Variants in TACR1 observed in about 807,000 individuals in gnomAD.
TACR1 encodes the protein substance-P receptor.
In TACR1, 25 loss-of-function variants were observed where a neutral mutation model predicts 35.8. The observed-to-expected ratio is 0.70, with a 90% CI of 0.51 to 0.98. TACR1 has a LOEUF of 0.98. Ranked by LOEUF, TACR1 falls within the 50% of genes least tolerant of loss-of-function variation. The pLI is 0.00. For missense variants in TACR1, 478 were observed against 522.9 expected, an observed-to-expected ratio of 0.91 and a Z score of 0.84; for synonymous variants, 195 against 206.7, an observed-to-expected ratio of 0.94 and a Z score of 0.48.
chr2:75,055,864 T>A (rs1010357865), intron 2 of TACR1, among the ~76,000 whole-genome samples: 3 of 152,188 alleles, frequency 2.0e-5, no homozygotes, highest in African/African-American at 7.2e-5. Context: ...AGAATTTGCA[T>A]TTCTAACAAG....
chr2:75,086,860 G>A (rs771797891), intron 2 of TACR1, among the ~76,000 whole-genome samples: 2 of 152,178 alleles, frequency 1.3e-5, no homozygotes, highest in Non-Finnish European at 2.9e-5. Context: ...TTTCCTAGCA[G>A]TGGGGATTTT....
At chr2:75,115,762 C>T (rs1673842358) in intron 2 of TACR1, among the ~76,000 whole-genome samples, 1 of 151,828 alleles carries the variant, frequency 6.6e-6, no homozygotes, top group Non-Finnish European at 1.5e-5. Context: ...AAAAAATTAG[C>T]CGGGCATGGT....
At chr2:75,102,574 A>T (rs1453592991) in intron 2 of TACR1, among the ~76,000 whole-genome samples, 1 of 152,132 alleles carries the variant, frequency 6.6e-6, no homozygotes, top group Non-Finnish European at 1.5e-5. Flanking sequence ...TAATCATACA[A>T]GTATCTTGGG....
chr2:75,083,094 AT>A (rs1314239559), intron 2 of TACR1, among the ~76,000 whole-genome samples: 2 of 152,132 alleles, frequency 1.3e-5, no homozygotes, highest in Admixed American at 1.3e-4. Context: ...TCGTGAATTA[AT>A]TTTTGTATAA....
At chr2:75,192,499 G>A (rs1210750389) in intron 1 of TACR1, among the ~76,000 whole-genome samples, 1 of 152,190 alleles carries the variant, frequency 6.6e-6, no homozygotes, top group African/African-American at 2.4e-5. Context: ...CAATGGCCCT[G>A]TTTGGAAAGT....
intron 2 of TACR1, among the ~76,000 whole-genome samples, chr2:75,058,599 A>G (rs1486075255): frequency 6.6e-6 from 1 of 152,176 alleles, no homozygotes; most frequent in Non-Finnish European, 1.5e-5. Context: ...ACCTGAGAGA[A>G]CCCAGCACCA....
chr2:75,153,786 G>A (rs1458001764), intron 1 of TACR1, among the ~76,000 whole-genome samples: 2 of 152,138 alleles, frequency 1.3e-5, no homozygotes, highest in Non-Finnish European at 2.9e-5. Context: ...GGGAGGAGGT[G>A]GTTTTAACTC....
chr2:75,181,412 C>T (rs1010675805), intron 1 of TACR1, among the ~76,000 whole-genome samples: 5 of 152,090 alleles, frequency 3.3e-5, no homozygotes, highest in Admixed American at 1.3e-4. Flanking sequence ...AAAACATACT[C>T]CAGACCACGG....
At chr2:75,162,723 C>T (rs1189081498) in intron 1 of TACR1, among the ~76,000 whole-genome samples, 2 of 152,166 alleles carry the variant, frequency 1.3e-5, no homozygotes, top group Non-Finnish European at 2.9e-5. Context: ...CTGAGAGACA[C>T]TCAAGATTCC....
Position 75,051,401 on chromosome 2 carries a change from C to T in TACR1, c.782G>A (p.Trp261Ter). 5 of 1,614,146 alleles carry T rather than the reference C, an allele frequency of 3.1e-6. No individual in the cohort carries two copies. Among genetic ancestry groups the T allele is most frequent in the Non-Finnish European group, 4.2e-6 (5 of 1,180,024 alleles). The change falls in exon 4 of 5, where the codon TGG becomes TAG. Residue 261 changes from tryptophan to a stop codon, truncating the protein, a stop_gained. Coordinates refer to ENST00000305249, the MANE Select transcript of TACR1 (RefSeq NM_001058.4). LOFTEE classifies it high-confidence loss of function. ...GAGGAAGAAGATGTGGAAGGGCAGC[C>T]AGCAGATGGCGAAGGTGCACACCAC... The part of the protein sequence containing the change: ...IVVVCTFAIC[W>*]LPFHIFFLLP...
intron 2 of TACR1, among the ~76,000 whole-genome samples, chr2:75,118,362 C>G (rs1005510883): frequency 6.6e-6 from 1 of 152,174 alleles, no homozygotes; most frequent in Non-Finnish European, 1.5e-5. Flanking sequence ...ACATGTTACA[C>G]TTCATGAATA....
intron 2 of TACR1, among the ~76,000 whole-genome samples, chr2:75,102,386 A>G (rs868508954): frequency 3.3e-5 from 5 of 152,346 alleles, no homozygotes; most frequent in Admixed American, 1.3e-4. Flanking sequence ...GTTACGCAGC[A>G]GGAACTAACT....
chr2:75,050,524 C>T (rs1672443336), intron 4 of TACR1, among the ~76,000 whole-genome samples: 1 of 152,206 alleles, frequency 6.6e-6, no homozygotes, highest in Non-Finnish European at 1.5e-5. Flanking sequence ...CTATGTGTCC[C>T]TGCCTGCTTT....
intron 1 of TACR1, among the ~76,000 whole-genome samples, chr2:75,155,422 C>A (rs1261476839): frequency 6.6e-6 from 1 of 152,026 alleles, no homozygotes; most frequent in Non-Finnish European, 1.5e-5. Flanking sequence ...TGCCCTTCTT[C>A]CCCCTTTCTC....
intron 2 of TACR1, among the ~76,000 whole-genome samples, chr2:75,078,425 C>A (rs938198161): frequency 2.0e-5 from 3 of 152,084 alleles, no homozygotes; most frequent in Non-Finnish European, 4.4e-5. Flanking sequence ...AAGAGCCTAG[C>A]ACAGTACCTG....
At chr2:75,055,195 A>G (rs1191831048) in intron 2 of TACR1, among the ~76,000 whole-genome samples, 1 of 152,230 alleles carries the variant, frequency 6.6e-6, no homozygotes, top group Non-Finnish European at 1.5e-5. Context: ...TCTCCTTTGT[A>G]GATACTGTTT....
chr2:75,180,494 G>A (rs187363065), intron 1 of TACR1, among the ~76,000 whole-genome samples: 3 of 152,274 alleles, frequency 2.0e-5, no homozygotes, highest in Non-Finnish European at 2.9e-5. Context: ...GCCAGTGGGA[G>A]GTATTAGATG....
chr2:75,117,155 G>A (rs971354826), intron 2 of TACR1, among the ~76,000 whole-genome samples: 2 of 151,958 alleles, frequency 1.3e-5, no homozygotes, highest in African/African-American at 4.8e-5. Context: ...GTGTGTGTGT[G>A]TGTGTGTGTG....
intron 1 of TACR1, among the ~76,000 whole-genome samples, chr2:75,143,545 A>C (rs1674450012): frequency 6.6e-6 from 1 of 152,212 alleles, no homozygotes; most frequent in Non-Finnish European, 1.5e-5. Context: ...CTATTAGCTA[A>C]TTGAGTTTTC....
Sources: allele counts gnomAD v4.1 joint callset (sites outside exome capture counted in the v4.1 genomes callset), GRCh38; gene constraint gnomAD v4.1.1; transcripts MANE v1.5; gene names NCBI Gene and HGNC (gene_info 2026-07-23, HGNC 2026-07-21).